The following TSPAN5 variants were observed in gnomAD, a reference collection of about 807,000 sequenced individuals.
TSPAN5 encodes the protein tetraspanin-5.
A neutral mutation model predicts 37.1 loss-of-function variants in TSPAN5; 10 were observed. That is an observed-to-expected ratio of 0.27 (90% CI 0.17 to 0.46). The LOEUF (loss-of-function observed/expected upper bound fraction) is 0.46, where lower values mean the gene tolerates loss of function less well. TSPAN5 is among the 20% of genes least tolerant of loss of function. TSPAN5 has a pLI of 1.00. For missense variants in TSPAN5, 195 were observed against 326.6 expected (o/e 0.60, Z 3.11); for synonymous variants, 110 against 118.9 (o/e 0.93, Z 0.48).
intron 1 of TSPAN5, among the ~76,000 whole-genome samples, chr4:98,642,300 T>C (rs894422096): frequency 1.3e-5 from 2 of 152,178 alleles, no homozygotes; most frequent in Non-Finnish European, 2.9e-5. Flanking sequence ...GAAACAACAC[T>C]TAAACTTTAA....
At chr4:98,561,643 A>G (rs1754885297) in intron 1 of TSPAN5, among the ~76,000 whole-genome samples, 2 of 152,252 alleles carry the variant, frequency 1.3e-5, no homozygotes, top group African/African-American at 2.4e-5. Flanking sequence ...TGGAAAGCGT[A>G]TAAGCAAAGA....
At chr4:98,656,704 GT>G (rs1291151149) in intron 1 of TSPAN5, among the ~76,000 whole-genome samples, 2 of 152,104 alleles carry the variant, frequency 1.3e-5, no homozygotes, top group Admixed American at 1.3e-4. Context: ...ATCTTTATTA[GT>G]CCTGAAGACA....
At chr4:98,629,289 G>A (rs1407655222) in intron 1 of TSPAN5, among the ~76,000 whole-genome samples, 2 of 152,128 alleles carry the variant, frequency 1.3e-5, no homozygotes, top group Non-Finnish European at 2.9e-5. Context: ...AAGATTGCAG[G>A]CAAGTCACAC....
At chr4:98,608,620 C>T (rs1756098511) in intron 1 of TSPAN5, among the ~76,000 whole-genome samples, 1 of 152,124 alleles carries the variant, frequency 6.6e-6, no homozygotes, top group South Asian at 2.1e-4. Context: ...GATTTTCCTC[C>T]TCTCCACTGT....
chr4:98,586,340 C>T (rs911648009), intron 1 of TSPAN5, among the ~76,000 whole-genome samples: 3 of 152,100 alleles, frequency 2.0e-5, no homozygotes, highest in African/African-American at 7.2e-5. Context: ...CATTTTGGGA[C>T]AATCTAACCT....
At chr4:98,552,435 C>G (rs1341636281) in intron 1 of TSPAN5, among the ~76,000 whole-genome samples, 1 of 152,114 alleles carries the variant, frequency 6.6e-6, no homozygotes, top group Non-Finnish European at 1.5e-5. Flanking sequence ...CTTCATCGAC[C>G]TTTTTAGTGA....
intron 1 of TSPAN5, among the ~76,000 whole-genome samples, chr4:98,646,204 T>C (rs1280462293): frequency 6.6e-6 from 1 of 152,052 alleles, no homozygotes; most frequent in Admixed American, 6.5e-5. Flanking sequence ...ATGATCCAGG[T>C]AGTTCAATCC....
chr4:98,640,025 A>C (rs1424078685), intron 1 of TSPAN5, among the ~76,000 whole-genome samples: 4 of 152,170 alleles, frequency 2.6e-5, no homozygotes, highest in African/African-American at 9.7e-5. Context: ...CTTTACTATA[A>C]CATCAATGAT....
At chr4:98,562,077 C>T (rs1578994140) in intron 1 of TSPAN5, among the ~76,000 whole-genome samples, 2 of 152,100 alleles carry the variant, frequency 1.3e-5, no homozygotes, top group African/African-American at 4.8e-5. Context: ...CTAGAACAGG[C>T]CCTGCACTTT....
intron 3 of TSPAN5, 112 bp from the exon 4 acceptor site, chr4:98,482,287 C>T (rs1221709826): frequency 1.1e-6 from 1 of 881,956 alleles, no homozygotes; most frequent in East Asian, 2.7e-5. Flanking sequence ...TGTTACACAT[C>T]TCCAAAGCAG....
chr4:98,608,143 C>T (rs758572698), intron 1 of TSPAN5, among the ~76,000 whole-genome samples: 17 of 152,124 alleles, frequency 1.1e-4, no homozygotes, highest in Non-Finnish European at 2.1e-4. Context: ...GGAGTGTGAA[C>T]GAACAAAGTA....
At chr4:98,577,748 G>A (rs10026446) in intron 1 of TSPAN5, among the ~76,000 whole-genome samples, 25,883 of 152,134 alleles carry the variant, frequency 0.17, 2,760 homozygotes, top group African/African-American at 0.3. Context: ...ATCCAGTTCT[G>A]CTATTCACTG....
In TSPAN5 at chr4:98,646,792, G is replaced by T. The variant is rs112312973; in HGVS notation, c.81+11354C>A. Among the ~76,000 whole-genome samples, 100 of 152,212 alleles carry T rather than the reference G, an allele frequency of 6.6e-4. 1 individual carries two copies. Among genetic ancestry groups the T allele is most frequent in the African/African-American group, 2.2e-3 (91 of 41,540 alleles). On this transcript the variant is annotated intron_variant, in intron 1 of 7. Transcript: ENST00000305798. ...TGTTACAATGTAAGATTATTTTAAT[G>T]ATTCTGAAAGAAGGGAAAACAATCA...
chr4:98,567,186 G>A (rs1033814194), intron 1 of TSPAN5, among the ~76,000 whole-genome samples: 9 of 152,318 alleles, frequency 5.9e-5, no homozygotes, highest in South Asian at 2.1e-4. Context: ...CTATGAGGAC[G>A]CAGAAGTGCA....
intron 2 of TSPAN5, among the ~76,000 whole-genome samples, chr4:98,500,840 C>G (rs561456226): frequency 8.5e-5 from 13 of 152,098 alleles, no homozygotes; most frequent in Non-Finnish European, 1.8e-4. Context: ...CTCCTGTCCT[C>G]AAGGAGTTTC....
chr4:98,649,436 T>A (rs1757137601), intron 1 of TSPAN5, among the ~76,000 whole-genome samples: 1 of 152,134 alleles, frequency 6.6e-6, no homozygotes, highest in Non-Finnish European at 1.5e-5. Context: ...AGCATATAGC[T>A]TAGGGGGATG....
chr4:98,521,806 G>A (rs906563639), intron 1 of TSPAN5, among the ~76,000 whole-genome samples: 7 of 151,724 alleles, frequency 4.6e-5, no homozygotes, highest in Non-Finnish European at 1.5e-5. Context: ...CTATATATCT[G>A]TGTGTGTTTT....
chr4:98,588,922 G>T (rs1755558131), intron 1 of TSPAN5, among the ~76,000 whole-genome samples: 1 of 152,104 alleles, frequency 6.6e-6, no homozygotes, highest in African/African-American at 2.4e-5. Flanking sequence ...TTTGATAAAA[G>T]GATAGATTAA....
intron 1 of TSPAN5, among the ~76,000 whole-genome samples, chr4:98,546,398 T>A (rs532865532): frequency 6.1e-4 from 93 of 152,258 alleles, no homozygotes; most frequent in African/African-American, 2.2e-3. Context: ...CTGAGAGGTG[T>A]TTTCCAACTG....
Sources: allele counts gnomAD v4.1 joint callset (sites outside exome capture counted in the v4.1 genomes callset), GRCh38; gene constraint gnomAD v4.1.1; transcripts MANE v1.5; gene names NCBI Gene and HGNC (gene_info 2026-07-23, HGNC 2026-07-21).